The following MARCHF1 variants were observed in gnomAD, a reference collection of about 807,000 sequenced individuals.
MARCHF1 encodes the protein E3 ubiquitin-protein ligase MARCHF1.
A neutral mutation model predicts 54.2 loss-of-function variants in MARCHF1; 40 were observed. The ratio of observed to expected loss-of-function variants is 0.74; its 90% CI spans 0.57 to 0.96. The LOEUF (loss-of-function observed/expected upper bound fraction) is 0.96, where lower values mean the gene tolerates loss of function less well. MARCHF1 is among the 40% of genes least tolerant of loss of function. MARCHF1 has a pLI of 0.00. For missense variants in MARCHF1, 586 were observed against 656.5 expected, an observed-to-expected ratio of 0.89 and a Z score of 1.17; for synonymous variants, 236 against 236.3, an observed-to-expected ratio of 1.00 and a Z score of 0.01.
chr4:164,303,384 CT>C (rs1280214144), intron 1 of MARCHF1, among the ~76,000 whole-genome samples: 2 of 152,162 alleles, frequency 1.3e-5, no homozygotes, highest in African/African-American at 2.4e-5. Flanking sequence ...GGGAAGAACA[CT>C]TAGCAAAAGC....
intron 4 of MARCHF1, among the ~76,000 whole-genome samples, chr4:163,813,226 C>T (rs1210073374): frequency 2.6e-5 from 4 of 152,182 alleles, no homozygotes; most frequent in Non-Finnish European, 4.4e-5. Context: ...TTATACTATC[C>T]ATCATAGAGG....
At chr4:163,914,715 GT>G (rs1180894431) in intron 3 of MARCHF1, among the ~76,000 whole-genome samples, 1 of 151,942 alleles carries the variant, frequency 6.6e-6, no homozygotes, top group Non-Finnish European at 1.5e-5. Flanking sequence ...GTTTGTTTTT[GT>G]TTTTATTTTG....
At chr4:163,680,827 T>G (rs1012300644) in intron 5 of MARCHF1, among the ~76,000 whole-genome samples, 2 of 152,124 alleles carry the variant, frequency 1.3e-5, no homozygotes, top group African/African-American at 4.8e-5. Context: ...CAACACTTAT[T>G]GAAGTTTACC....
At chr4:163,946,448 T>C (rs1163959902) in intron 3 of MARCHF1, among the ~76,000 whole-genome samples, 1 of 152,176 alleles carries the variant, frequency 6.6e-6, no homozygotes, top group Non-Finnish European at 1.5e-5. Context: ...AAAATAAATT[T>C]TATACCTTGG....
chr4:163,710,374 T>C (rs1461819680), intron 4 of MARCHF1, among the ~76,000 whole-genome samples: 5 of 152,202 alleles, frequency 3.3e-5, no homozygotes, highest in Non-Finnish European at 7.3e-5. Flanking sequence ...CAACATAATA[T>C]ATTATGTACT....
chr4:163,860,040 T>C (rs1749881305), intron 3 of MARCHF1, among the ~76,000 whole-genome samples: 1 of 152,176 alleles, frequency 6.6e-6, no homozygotes, highest in Admixed American at 6.5e-5. Flanking sequence ...ACTCCCATTC[T>C]TATAAAATGA....
At chr4:163,646,647 G>A (rs144850632) in intron 5 of MARCHF1, among the ~76,000 whole-genome samples, 187 of 152,098 alleles carry the variant, frequency 1.2e-3, no homozygotes, top group African/African-American at 4.5e-3. Flanking sequence ...TTTGTATGCG[G>A]GGAGTAAAAA....
intron 1 of MARCHF1, among the ~76,000 whole-genome samples, chr4:164,378,666 G>A (rs1731270514): frequency 6.6e-6 from 1 of 152,210 alleles, no homozygotes; most frequent in Admixed American, 6.5e-5. Flanking sequence ...CAGAGGAAAT[G>A]TTGATACTTC....
chr4:163,568,303 T>C (rs1286543159), intron 8 of MARCHF1, among the ~76,000 whole-genome samples: 1 of 152,152 alleles, frequency 6.6e-6, no homozygotes, highest in Non-Finnish European at 1.5e-5. Context: ...AAACTAATGA[T>C]AATTCTTTGT....
intron 2 of MARCHF1, among the ~76,000 whole-genome samples, chr4:164,031,145 T>C (rs916513202): frequency 6.6e-6 from 1 of 152,214 alleles, no homozygotes; most frequent in African/African-American, 2.4e-5. Flanking sequence ...CCTTATCGTG[T>C]GCCAGTTTTC....
At chr4:163,843,406 C>A (rs1281275567) in intron 4 of MARCHF1, among the ~76,000 whole-genome samples, 1 of 152,034 alleles carries the variant, frequency 6.6e-6, no homozygotes, top group African/African-American at 2.4e-5. Context: ...GGTTGAATGG[C>A]AGGTTTGTTT....
chr4:164,349,617 A>C (rs1730219817), intron 1 of MARCHF1, among the ~76,000 whole-genome samples: 1 of 152,296 alleles, frequency 6.6e-6, no homozygotes, highest in East Asian at 1.9e-4. Context: ...TTAGAGAGTA[A>C]AAGTTTTCAT....
intron 4 of MARCHF1, among the ~76,000 whole-genome samples, chr4:163,726,854 C>A (rs1389331464): frequency 6.6e-6 from 1 of 152,210 alleles, no homozygotes; most frequent in African/African-American, 2.4e-5. Flanking sequence ...AAATGTCACA[C>A]ATCTCTTCAT....
intron 1 of MARCHF1, among the ~76,000 whole-genome samples, chr4:164,266,039 G>A (rs1733602574): frequency 6.6e-6 from 1 of 152,112 alleles, no homozygotes; most frequent in African/African-American, 2.4e-5. Flanking sequence ...GTTCGCTCCT[G>A]CCACAGTCAG....
intron 1 of MARCHF1, among the ~76,000 whole-genome samples, chr4:164,380,257 CTTCT>C (rs1176837166): frequency 4.6e-5 from 7 of 152,172 alleles, no homozygotes; most frequent in African/African-American, 7.2e-5. Context: ...TATCAATTTA[CTTCT>C]TTAACTGAAA....
intron 1 of MARCHF1, among the ~76,000 whole-genome samples, chr4:164,212,211 C>T (rs1327717203): frequency 1.3e-5 from 2 of 152,136 alleles, no homozygotes; most frequent in Non-Finnish European, 2.9e-5. Flanking sequence ...TAAATATTTG[C>T]TCTGTCCTAA....
intron 5 of MARCHF1, among the ~76,000 whole-genome samples, chr4:163,648,335 T>C (rs913290414): frequency 2.6e-5 from 4 of 151,980 alleles, no homozygotes; most frequent in African/African-American, 4.8e-5. Context: ...GTTAGACAAT[T>C]AGTGAGACTA....
chr4:163,627,668 A>G (rs1355638999), intron 5 of MARCHF1, among the ~76,000 whole-genome samples: 1 of 146,736 alleles, frequency 6.8e-6, no homozygotes, highest in Non-Finnish European at 1.5e-5. Context: ...CTTTAAAAAG[A>G]GTAGTCTATA....
At chr4:164,113,252 C>A (rs1219781138) in intron 1 of MARCHF1, among the ~76,000 whole-genome samples, 2 of 151,878 alleles carry the variant, frequency 1.3e-5, no homozygotes, top group Non-Finnish European at 2.9e-5. Flanking sequence ...CAAACAGGAA[C>A]AAGAAACTCC....
Sources: gnomAD v4.1 joint callset for allele counts (sites outside exome capture counted in the v4.1 genomes callset) on GRCh38, gnomAD v4.1.1 for gene constraint, MANE v1.5 for transcripts, NCBI Gene and HGNC (gene_info 2026-07-23, HGNC 2026-07-21) for gene names.